SPATA31H1: variants seen among roughly 807,000 people sequenced by gnomAD.
The protein encoded by SPATA31H1 is SPATA31 subfamily H member 1.
At chr2:27,538,633 A>G in the SPATA31H1 span, among the ~76,000 whole-genome samples, 5 of 152,106 alleles carry the variant, frequency 3.3e-5, no homozygotes, top group Admixed American at 1.3e-4. Flanking sequence ...GGAGTTCGAG[A>G]CCAGCCTGGC....
At chr2:27,577,977 G>T in the SPATA31H1 span, 1 of 1,614,080 alleles carries the variant, frequency 6.2e-7, no homozygotes, top group Non-Finnish European at 8.5e-7. The surrounding 1 kb of genome is among the most constrained non-coding windows in gnomAD (Gnocchi z 4.5). Context: ...AGGACCACTG[G>T]GTCGAATTGT....
At chr2:27,579,714 G>A in the SPATA31H1 span, 1 of 1,614,192 alleles carries the variant, frequency 6.2e-7, no homozygotes, top group Admixed American at 1.7e-5. Context: ...TCCAATGGAA[G>A]AAAGTGAGGA....
At chr2:27,580,870 T>C in the SPATA31H1 span, 1 of 1,613,896 alleles carries the variant, frequency 6.2e-7, no homozygotes, top group African/African-American at 1.3e-5. Flanking sequence ...GGAGGAACGG[T>C]CCAGTGCAGA....
chr2:27,560,202 C>G, the SPATA31H1 span, among the ~76,000 whole-genome samples: 1 of 152,068 alleles, frequency 6.6e-6, no homozygotes, highest in African/African-American at 2.4e-5. Context: ...TAGGTGTTTT[C>G]TAATCTACCT....
chr2:27,546,631 C>G, the SPATA31H1 span, among the ~76,000 whole-genome samples: 1 of 151,998 alleles, frequency 6.6e-6, no homozygotes, highest in African/African-American at 2.4e-5. Context: ...CTCTTGGGCT[C>G]AAGTGATACT....
chr2:27,567,475 A>G, the SPATA31H1 span: 1 of 421,424 alleles, frequency 2.4e-6, no homozygotes, highest in Non-Finnish European at 4.2e-6. Flanking sequence ...AAATCCTCAG[A>G]CCTTCCATCA....
At chr2:27,546,828 G>A in the SPATA31H1 span, among the ~76,000 whole-genome samples, 12 of 151,786 alleles carry the variant, frequency 7.9e-5, no homozygotes, top group Non-Finnish European at 1.8e-4. Context: ...CACCATGCCT[G>A]GCCTAATGCA....
the SPATA31H1 span, chr2:27,580,252 C>T: frequency 6.2e-7 from 1 of 1,614,188 alleles, no homozygotes. Flanking sequence ...TCCCCTGCTC[C>T]TGTACAAGTC....
chr2:27,555,291 A>G, the SPATA31H1 span, among the ~76,000 whole-genome samples: 1 of 151,950 alleles, frequency 6.6e-6, no homozygotes, highest in African/African-American at 2.4e-5. Context: ...AGGCAGACCA[A>G]TTAGGCATAC....
the SPATA31H1 span, chr2:27,577,177 A>G: frequency 6.2e-7 from 1 of 1,614,034 alleles, no homozygotes; most frequent in Non-Finnish European, 8.5e-7. This position sits in a 1 kb window ranked among gnomAD's most constrained non-coding sequence, Gnocchi z 4.5. Flanking sequence ...CCAGATCTTC[A>G]GGTACCAAAA....
the SPATA31H1 span, chr2:27,580,883 A>G: frequency 1.2e-6 from 2 of 1,614,198 alleles, no homozygotes; most frequent in Non-Finnish European, 1.7e-6. Context: ...AGTGCAGATC[A>G]GCTCAACAGC....
chr2:27,558,946 G>C, the SPATA31H1 span, among the ~76,000 whole-genome samples: 12 of 145,992 alleles, frequency 8.2e-5, no homozygotes, highest in African/African-American at 7.5e-5. Flanking sequence ...AGAGGGAGAG[G>C]GAGAGGGAGA....
chr2:27,537,413 C>A, the SPATA31H1 span: 3 of 716,604 alleles, frequency 4.2e-6, no homozygotes, highest in African/African-American at 1.7e-5. Flanking sequence ...CTGAGAAGAG[C>A]ATGGGGTTGA....
chr2:27,548,765 CATTT>C, the SPATA31H1 span, among the ~76,000 whole-genome samples: 2 of 151,302 alleles, frequency 1.3e-5, no homozygotes, highest in South Asian at 2.1e-4. Context: ...TTATTCTGTC[CATTT>C]ATTTATGTGT....
At chr2:27,556,862 T>C in the SPATA31H1 span, among the ~76,000 whole-genome samples, 3 of 106,306 alleles carry the variant, frequency 2.8e-5, no homozygotes, top group East Asian at 7.6e-4. Flanking sequence ...GGCCTTGGCC[T>C]TCCGCAGTGT....
At chr2:27,565,390 T>C in the SPATA31H1 span, 1 of 717,270 alleles carries the variant, frequency 1.4e-6, no homozygotes, top group Non-Finnish European at 2.6e-6. Flanking sequence ...GTCAGAGAGA[T>C]CCTATCCTTT....
At chr2:27,579,470 T>C in the SPATA31H1 span, 3 of 1,614,262 alleles carry the variant, frequency 1.9e-6, 1 homozygote, top group South Asian at 3.3e-5. Context: ...ATACTTTTTA[T>C]CATGGTCATA....
the SPATA31H1 span, chr2:27,570,325 A>G: frequency 4.6e-3 from 1,838 of 398,904 alleles, 28 homozygotes; most frequent in African/African-American, 0.033. Context: ...TTGACCTCAG[A>G]ACTACCATTT....
the SPATA31H1 span, chr2:27,577,384 A>G: frequency 6.2e-7 from 1 of 1,614,126 alleles, no homozygotes; most frequent in Non-Finnish European, 8.5e-7. The surrounding 1 kb of genome is among the most constrained non-coding windows in gnomAD (Gnocchi z 4.5). Context: ...GAACTCAAGC[A>G]TTACTTTACA....
Sources: gnomAD v4.1 joint callset for allele counts (sites outside exome capture counted in the v4.1 genomes callset) on GRCh38, gnomAD v4.1.1 for gene constraint, Gnocchi (gnomAD v3.1) non-coding constraint, MANE v1.5 for transcripts, NCBI Gene and HGNC (gene_info 2026-07-23, HGNC 2026-07-21) for gene names.